Variants in UGT1A9 observed in about 807,000 individuals in gnomAD.
UGT1A9 encodes the protein UDP glucuronosyltransferase family 1 member A9.
UGT1A9 carries 35 observed loss-of-function variants against 45.0 expected under a neutral mutation model. The ratio of observed to expected loss-of-function variants is 0.78; its 90% CI spans 0.59 to 1.03. The LOEUF is 1.03. UGT1A9 is among the 50% of genes least tolerant of loss of function. UGT1A9 has a pLI of 0.00. For synonymous variants in UGT1A9, 278 were observed against 250.6 expected, an observed-to-expected ratio of 1.11 and a Z score of -1.03; for missense variants, 687 against 666.6, an observed-to-expected ratio of 1.03 and a Z score of -0.34.
intron 1 of UGT1A9, among the ~76,000 whole-genome samples, chr2:233,732,631 T>C (rs1341811470): frequency 6.6e-6 from 1 of 152,240 alleles, no homozygotes; most frequent in Non-Finnish European, 1.5e-5. Context: ...TGTGGTGTTA[T>C]TTCTGAGACC....
chr2:233,743,470 G>C (rs1240539380), intron 1 of UGT1A9: 5 of 1,366,644 alleles, frequency 3.7e-6, no homozygotes, highest in Middle Eastern at 4.2e-4. Flanking sequence ...ACCCCCAAAA[G>C]CTGGAAATTC....
At chr2:233,716,556 T>A (rs1435201445) in intron 1 of UGT1A9, among the ~76,000 whole-genome samples, 1 of 152,206 alleles carries the variant, frequency 6.6e-6, no homozygotes, top group Non-Finnish European at 1.5e-5. Context: ...ATATTCCTTT[T>A]TTCATTTTTT....
chr2:233,681,811 A>T, intron 1 of UGT1A9: 2 of 1,488,256 alleles, frequency 1.3e-6, no homozygotes, highest in Non-Finnish European at 1.8e-6. Context: ...GTGAATGTGA[A>T]TTTTTTTTTA....
chr2:233,712,259 G>A (rs763507472), intron 1 of UGT1A9, among the ~76,000 whole-genome samples: 18 of 152,230 alleles, frequency 1.2e-4, no homozygotes, highest in Non-Finnish European at 1.9e-4. Context: ...TCTTGCACAT[G>A]TGTGCTTTAG....
At chr2:233,707,478 T>C (rs2075963817) in intron 1 of UGT1A9, among the ~76,000 whole-genome samples, 1 of 152,122 alleles carries the variant, frequency 6.6e-6, no homozygotes, top group African/African-American at 2.4e-5. Context: ...ATAATACAGA[T>C]GATTTTACCT....
intron 1 of UGT1A9, among the ~76,000 whole-genome samples, chr2:233,757,237 G>A (rs934009312): frequency 2.7e-4 from 40 of 149,716 alleles, no homozygotes; most frequent in African/African-American, 9.6e-4. Flanking sequence ...CAGAAGTGGT[G>A]GTGAGGTGGG....
chr2:233,759,589 C>T (rs1019080455), intron 1 of UGT1A9, among the ~76,000 whole-genome samples: 2 of 147,434 alleles, frequency 1.4e-5, no homozygotes, highest in Non-Finnish European at 3.0e-5. Flanking sequence ...CAGCACGCCC[C>T]CCACCCCCGA....
intron 1 of UGT1A9, among the ~76,000 whole-genome samples, chr2:233,762,832 A>C (rs1698176538): frequency 6.6e-6 from 1 of 152,202 alleles, no homozygotes; most frequent in Admixed American, 6.5e-5. Flanking sequence ...CATAATAAAA[A>C]ATAATAGGCA....
chr2:233,753,118 A>G (rs1695134024), intron 1 of UGT1A9: 1 of 152,220 alleles, frequency 6.6e-6, no homozygotes, highest in Non-Finnish European at 1.5e-5. Context: ...CATCCCCAGC[A>G]AACTACTCAG....
intron 1 of UGT1A9, among the ~76,000 whole-genome samples, chr2:233,695,505 G>A (rs1425360568): frequency 3.3e-5 from 5 of 151,594 alleles, no homozygotes; most frequent in Non-Finnish European, 7.4e-5. Context: ...AGTTTTTGGA[G>A]TATTACAAAT....
chr2:233,712,280 C>T (rs1176719433), intron 1 of UGT1A9, among the ~76,000 whole-genome samples: 1 of 152,208 alleles, frequency 6.6e-6, no homozygotes, highest in African/African-American at 2.4e-5. Context: ...ACAGCAGCAC[C>T]TCTTCTTCCA....
intron 1 of UGT1A9, among the ~76,000 whole-genome samples, chr2:233,717,169 G>A (rs976898395): frequency 6.6e-6 from 1 of 152,210 alleles, no homozygotes; most frequent in African/African-American, 2.4e-5. Flanking sequence ...CCCCTTGAAT[G>A]TGGCAAGAGC....
At chr2:233,682,412 A>C in intron 1 of UGT1A9, 1 of 1,613,870 alleles carries the variant, frequency 6.2e-7, no homozygotes. Context: ...AATTGTTGCC[A>C]AATATTTCTC....
In UGT1A9 at chr2:233,747,168, G is replaced by C. The variant is rs1693578395; in HGVS notation, c.856-19866G>C. 4 of 1,593,782 alleles carry C rather than the reference G, an allele frequency of 2.5e-6. No homozygotes were observed. The South Asian group carries it at 4.5e-5, about 18-fold the overall frequency. On this transcript the variant is annotated intron_variant, in intron 1 of 4. Coordinates refer to ENST00000354728, the MANE Select transcript of UGT1A9 (RefSeq NM_021027.3). ...TAAGATGAAGAAAACAAATGTAGGA[G>C]GCACAGCGTGGGGTGGACAGTCAGC...
chr2:233,732,623 T>G (rs1263936305), intron 1 of UGT1A9, among the ~76,000 whole-genome samples: 26 of 152,192 alleles, frequency 1.7e-4, no homozygotes, highest in Admixed American at 1.7e-3. Flanking sequence ...TGTAGATGTG[T>G]GGTGTTATTT....
At chr2:233,724,116 G>A (rs1387797895) in intron 1 of UGT1A9, among the ~76,000 whole-genome samples, 1 of 116,526 alleles carries the variant, frequency 8.6e-6, no homozygotes, top group Non-Finnish European at 1.7e-5. Flanking sequence ...GCCGGGCAGA[G>A]GCGCCCCTCA....
chr2:233,712,144 G>T (rs2076216635), intron 1 of UGT1A9, among the ~76,000 whole-genome samples: 1 of 152,218 alleles, frequency 6.6e-6, no homozygotes, highest in African/African-American at 2.4e-5. Flanking sequence ...TCAGCATTCA[G>T]AAGAGGAATT....
At chr2:233,739,139 T>G (rs539919985) in intron 1 of UGT1A9, 1 of 152,378 alleles carries the variant, frequency 6.6e-6, no homozygotes, top group African/African-American at 2.4e-5. Flanking sequence ...AATTTAGGTT[T>G]GGGAACCTCC....
At chr2:233,721,128 G>C (rs920776515) in intron 1 of UGT1A9, among the ~76,000 whole-genome samples, 1 of 152,006 alleles carries the variant, frequency 6.6e-6, no homozygotes, top group Non-Finnish European at 1.5e-5. Context: ...CTTTTTATTA[G>C]TGTAGGTATT....
Sources: allele counts gnomAD v4.1 joint callset (sites outside exome capture counted in the v4.1 genomes callset), GRCh38; gene constraint gnomAD v4.1.1; transcripts MANE v1.5; gene names NCBI Gene and HGNC (gene_info 2026-07-23, HGNC 2026-07-21).